PIBF1: variants seen among roughly 807,000 people sequenced by gnomAD.
The protein encoded by PIBF1 is progesterone immunomodulatory binding factor 1.
In PIBF1, 90 loss-of-function variants were observed where a neutral mutation model predicts 112.5. That is an observed-to-expected ratio of 0.80 (90% CI 0.67 to 0.95). The LOEUF is 0.95. PIBF1 is among the 40% of genes least tolerant of loss of function. The pLI is 0.00. For synonymous variants in PIBF1, 301 were observed against 288.6 expected (o/e 1.04, Z -0.44); for missense variants, 915 against 852.3 (o/e 1.07, Z -0.92).
Position 72,799,076 on chromosome 13 carries a change from T to C in PIBF1, c.672+1050T>C, listed in dbSNP as rs557647572. On this transcript the variant is annotated intron_variant, in intron 5 of 17. Coordinates refer to ENST00000326291, the MANE Select transcript of PIBF1 (RefSeq NM_006346.4). ...TTTCTAGCAGGTTAGGATTAGAACG[T>C]TAGGTGATATTTTGACACTCTCATT... Among the ~76,000 whole-genome samples the C allele has an allele frequency of 2.2e-4, 33 of 152,308 alleles. 1 individual carries two copies. The highest frequency in any genetic ancestry group is 6.7e-4 in the African/African-American group (28 of 41,556).
chr13:72,800,906 A>G (rs903834056), intron 5 of PIBF1, among the ~76,000 whole-genome samples: 1 of 152,218 alleles, frequency 6.6e-6, no homozygotes, highest in Non-Finnish European at 1.5e-5. Flanking sequence ...AAGGTTGGCT[A>G]GTAGGTCTCA....
chr13:72,910,674 T>C lies in PIBF1; in HGVS notation c.1639+1993T>C, dbSNP rs554882695. ...AGATAAGGATAAGAGAAGATATATA[T>C]AAAAATCAGAAAGGAATAGTAAGAA... On this transcript the variant is annotated intron_variant, in intron 12 of 17. Transcript: ENST00000326291. Among the ~76,000 whole-genome samples the C allele has an allele frequency of 2.0e-5, 3 of 152,228 alleles. No individual in the cohort carries two copies. In the South Asian group the frequency reaches 6.2e-4, roughly 32 times the overall value.
Position 72,893,867 on chromosome 13 carries a change from G to A in PIBF1, c.1406G>A (p.Arg469His), listed in dbSNP as rs145092279. 297 of 1,604,824 alleles carry A rather than the reference G, an allele frequency of 1.9e-4. No homozygotes were observed. Among genetic ancestry groups the A allele is most frequent in the Non-Finnish European group, 2.3e-4 (266 of 1,174,692 alleles). ...AAATTAAAATCTTTTGAAAGTGAGCGTGTTCAACTTCTGCAAGAGGAAACA... is the reference window on the plus strand; with the variant it reads ...AAATTAAAATCTTTTGAAAGTGAGCATGTTCAACTTCTGCAAGAGGAAACA... ...QSKLKSFESE[R>H]VQLLQEETAR... Residue 469 changes from arginine to histidine, a missense_variant, in exon 11 of 18, where the codon CGT (arginine) becomes CAT (histidine). By Grantham distance (29) the Arg-to-His change is conservative (BLOSUM62 0). Coordinates refer to ENST00000326291, the MANE Select transcript of PIBF1 (RefSeq NM_006346.4).
intron 16 of PIBF1, 112 bp downstream of exon 16, chr13:72,973,787 T>C: frequency 1.6e-6 from 1 of 618,216 alleles, no homozygotes; most frequent in East Asian, 2.9e-5. Flanking sequence ...ACTTCTCTTA[T>C]TTATGTCTCA....
chr13:72,956,466 C>T (rs2042448460), intron 14 of PIBF1, among the ~76,000 whole-genome samples: 1 of 152,100 alleles, frequency 6.6e-6, no homozygotes, highest in Non-Finnish European at 1.5e-5. Context: ...ATTTATTCTT[C>T]TCTCCTCCCA....
At chr13:72,972,844 A>G (rs1182316940) in intron 15 of PIBF1, among the ~76,000 whole-genome samples, 2 of 152,164 alleles carry the variant, frequency 1.3e-5, no homozygotes, top group East Asian at 3.9e-4. Context: ...CACAGACTAA[A>G]TACCTGATTC....
Position 72,908,237 on chromosome 13 carries a change from T to C in PIBF1, c.1489-294T>C, listed in dbSNP as rs1365862389. ...AAATATGACATTGTATTTTTTTAAA[T>C]TCTAACAAGCAAATGCTAATATTAC... On this transcript the variant is annotated intron_variant, in intron 11 of 17. Transcript: ENST00000326291. Among the ~76,000 whole-genome samples the C allele has an allele frequency of 2.0e-5, 3 of 152,180 alleles. No individual in the cohort carries two copies. The East Asian group carries it at 5.8e-4, about 29-fold the overall frequency.
rs1566272832 is a variant in PIBF1 at position 72,791,037 on chromosome 13, T to TTTG, written c.253-1408_253-1407insGTT. Among the ~76,000 whole-genome samples, 301 of 149,842 alleles carry TTTG rather than the reference T, an allele frequency of 2.0e-3. 1 individual carries two copies. Among genetic ancestry groups the TTTG allele is most frequent in the Non-Finnish European group, 2.1e-3 (141 of 67,532 alleles). On this transcript the variant is annotated intron_variant, in intron 2 of 17. Transcript: ENST00000326291. ...TGGATTGGCTGTGAAATTCATGTAT[T>TTTG]TTTGTTTGTTTGTTTGTTTGTTTGT...
chr13:72,985,371 CAAAAAAA>C (rs67195605), intron 16 of PIBF1, among the ~76,000 whole-genome samples: 1 of 76,284 alleles, frequency 1.3e-5, no homozygotes, highest in Non-Finnish European at 2.3e-5. Flanking sequence ...ACTAAAAATA[CAAAAAAA>C]AAAAAAAAAA....
At chr13:72,951,449 A>T (rs2042293078) in intron 14 of PIBF1, among the ~76,000 whole-genome samples, 1 of 152,156 alleles carries the variant, frequency 6.6e-6, no homozygotes, top group Non-Finnish European at 1.5e-5. Flanking sequence ...TCATTGAAAT[A>T]TTTCCTCAGA....
intron 11 of PIBF1, among the ~76,000 whole-genome samples, chr13:72,904,433 C>CTTTTTTTTTTTATTTTTTTTTTTTTTTT (rs2040612198): frequency 2.7e-5 from 1 of 36,558 alleles, no homozygotes; most frequent in Non-Finnish European, 4.6e-5. Flanking sequence ...CAAAATATTT[C>CTTTTTTTTTTTATTTTTTTTTTTTTTTT]TTTTTTTTTT....
chr13:72,969,791 C>G (rs1407912043), intron 15 of PIBF1: 1 of 152,042 alleles, frequency 6.6e-6, no homozygotes, highest in East Asian at 1.9e-4. Context: ...AATATGAACC[C>G]GAAGGGGTAG....
At chr13:72,946,291 A>C (rs1290447683) in intron 14 of PIBF1, among the ~76,000 whole-genome samples, 5 of 152,058 alleles carry the variant, frequency 3.3e-5, no homozygotes, top group Non-Finnish European at 7.4e-5. Context: ...GTGAGAACTC[A>C]CTCACTATCA....
At chr13:73,012,589 A>C (rs1002378504) in intron 17 of PIBF1, among the ~76,000 whole-genome samples, 3 of 151,520 alleles carry the variant, frequency 2.0e-5, no homozygotes, top group Admixed American at 6.6e-5. Flanking sequence ...AAAAACAAAA[A>C]AAAACAAAAA....
intron 5 of PIBF1, among the ~76,000 whole-genome samples, chr13:72,807,454 A>G (rs1425129624): frequency 6.6e-6 from 1 of 152,182 alleles, no homozygotes; most frequent in Non-Finnish European, 1.5e-5. Context: ...AAACACATGT[A>G]GTCCCAGCTA....
chr13:72,810,364 C>T (rs1006424358), intron 5 of PIBF1, among the ~76,000 whole-genome samples: 2 of 152,112 alleles, frequency 1.3e-5, no homozygotes, highest in African/African-American at 4.8e-5. Context: ...TATTAAATTT[C>T]ATGAGGAAAT....
At chr13:72,992,916 A>T (rs2043525638) in intron 16 of PIBF1, among the ~76,000 whole-genome samples, 1 of 152,232 alleles carries the variant, frequency 6.6e-6, no homozygotes, top group Non-Finnish European at 1.5e-5. Context: ...AAAAGCATAG[A>T]AGGAAAAAAA....
chr13:72,973,327 G>GA (rs1034803237), intron 15 of PIBF1, among the ~76,000 whole-genome samples: 67 of 144,600 alleles, frequency 4.6e-4, no homozygotes, highest in African/African-American at 1.6e-3. Flanking sequence ...AGGGAAGAAA[G>GA]AAAAGAAAAA....
At chr13:72,827,655 G>T in intron 7 of PIBF1, 78 bp from the exon 8 acceptor site, 1 of 862,774 alleles carries the variant, frequency 1.2e-6, no homozygotes, top group South Asian at 3.4e-5. Context: ...AAAACATGAA[G>T]GAAAGAAATT....
Sources: allele counts gnomAD v4.1 joint callset (sites outside exome capture counted in the v4.1 genomes callset), GRCh38; gene constraint gnomAD v4.1.1; transcripts MANE v1.5; gene names NCBI Gene and HGNC (gene_info 2026-07-23, HGNC 2026-07-21).